ITGA9: variants seen among roughly 807,000 people sequenced by gnomAD.
The protein encoded by ITGA9 is integrin subunit alpha 9.
In ITGA9, 56 loss-of-function variants were observed where a neutral mutation model predicts 127.8. That is an observed-to-expected ratio of 0.44 (90% CI 0.35 to 0.55). The LOEUF is 0.55. ITGA9 is among the 20% of genes least tolerant of loss of function. The probability of loss-of-function intolerance (pLI) is 0.00; values close to 1 mark genes in which losing one functional copy is unlikely to be tolerated. For missense variants in ITGA9, 1,196 were observed against 1,347.1 expected, an observed-to-expected ratio of 0.89 and a Z score of 1.76; for synonymous variants, 508 against 514.5, an observed-to-expected ratio of 0.99 and a Z score of 0.17.
At chr3:37,473,260 CT>C in intron 2 of ITGA9, 93 bp from the exon 3 acceptor site, 1 of 866,564 alleles carries the variant, frequency 1.2e-6, no homozygotes, top group Non-Finnish European at 1.9e-6. Flanking sequence ...TGGAAAGTTC[CT>C]TATTTCCTCA....
intron 14 of ITGA9, among the ~76,000 whole-genome samples, chr3:37,538,885 A>G (rs1288335970): frequency 6.6e-6 from 1 of 152,266 alleles, no homozygotes. Context: ...CTAATTAGGC[A>G]GTTCTAGAGA....
chr3:37,775,520 C>T (rs1309494330), intron 23 of ITGA9, among the ~76,000 whole-genome samples: 1 of 151,990 alleles, frequency 6.6e-6, no homozygotes, highest in African/African-American at 2.4e-5. Flanking sequence ...GTGGCAGGTG[C>T]CTGTTGTCCC....
At chr3:37,778,767 T>G (rs1289412651) in intron 24 of ITGA9, among the ~76,000 whole-genome samples, 1 of 152,136 alleles carries the variant, frequency 6.6e-6, no homozygotes, top group Non-Finnish European at 1.5e-5. Flanking sequence ...GTTACATTTC[T>G]CTAAGCTCCT....
rs753065090 is a variant in ITGA9, at chr3:37,818,982, ACCAGTGAG to A, written c.3103_*2del. 6.2e-7 allele frequency: 1 copy of A among 1,608,428 alleles called. No homozygotes were observed. Among genetic ancestry groups the A allele is most frequent in the Non-Finnish European group, 8.5e-7 (1 of 1,175,020 alleles). ...GACAGTTGGGACTGGGTCCAGAAAA[ACCAGTGAG>A]CTGCCACACCAGTCACATGACCTGA... On this transcript the variant is annotated stop_lost and 3_prime_UTR_variant, in exon 28 of 28. Transcript: ENST00000264741.
intron 1 of ITGA9, among the ~76,000 whole-genome samples, chr3:37,463,175 G>A (rs1459554004): frequency 3.9e-5 from 6 of 152,198 alleles, no homozygotes; most frequent in Non-Finnish European, 5.9e-5. Flanking sequence ...ATTAGTGGGC[G>A]ATGGAATTAC....
In ITGA9 at chr3:37,820,459, AGAAC is replaced by A. The variant is rs1343960926; in HGVS notation, c.*1471_*1474del. ...AAGAAATGATGCAAAGGATCTGAGCAGAACACTGCCCCTCCCCACCCCCTGAATG... is the reference window on the plus strand; with the variant it reads ...AAGAAATGATGCAAAGGATCTGAGCAACTGCCCCTCCCCACCCCCTGAATG... On this transcript the variant is annotated 3_prime_UTR_variant, in exon 28 of 28. Transcript: ENST00000264741. 6.6e-6 allele frequency: 1 copy of A among 152,516 alleles called. No individual in the cohort carries two copies. The highest frequency in any genetic ancestry group is 1.5e-5 in the Non-Finnish European group (1 of 68,254). The allele number at this position is 152,516 out of a possible 1,614,324, so 9.4% of individuals were successfully genotyped here.
At chr3:37,580,029 A>T (rs1489631152) in intron 15 of ITGA9, among the ~76,000 whole-genome samples, 1 of 152,270 alleles carries the variant, frequency 6.6e-6, no homozygotes, top group African/African-American at 2.4e-5. Context: ...AAGTAATTCT[A>T]GGCATGAAAA....
At chr3:37,699,115 T>C (rs570041722) in intron 18 of ITGA9, among the ~76,000 whole-genome samples, 1 of 152,326 alleles carries the variant, frequency 6.6e-6, no homozygotes, top group South Asian at 2.1e-4. Context: ...CCTTTCAACA[T>C]TGGAGAGCCT....
chr3:37,756,834 C>T (rs1405009162), intron 23 of ITGA9, among the ~76,000 whole-genome samples: 2 of 152,106 alleles, frequency 1.3e-5, no homozygotes, highest in African/African-American at 4.8e-5. Flanking sequence ...ATGCAATAAA[C>T]TTGGAAGCTA....
chr3:37,558,958 C>T (rs1193863162), intron 15 of ITGA9, among the ~76,000 whole-genome samples: 3 of 152,202 alleles, frequency 2.0e-5, no homozygotes, highest in African/African-American at 7.2e-5. Flanking sequence ...CACATCTGAG[C>T]TGTCTTAGCA....
chr3:37,496,129 G>A (rs1362409348), intron 5 of ITGA9, among the ~76,000 whole-genome samples: 1 of 152,154 alleles, frequency 6.6e-6, no homozygotes, highest in Admixed American at 6.5e-5. Context: ...TTCAGAAACT[G>A]CTGTTTAAAT....
At chr3:37,711,981 G>A (rs1701084384) in intron 18 of ITGA9, among the ~76,000 whole-genome samples, 1 of 152,228 alleles carries the variant, frequency 6.6e-6, no homozygotes, top group African/African-American at 2.4e-5. Context: ...GTTGGGGCCT[G>A]AGGAAGTTAG....
chr3:37,743,845 ATGTTTGC>A (rs1559585247), intron 21 of ITGA9, 74 bp from the exon 22 acceptor site: 1 of 958,882 alleles, frequency 1.0e-6, no homozygotes, highest in Non-Finnish European at 1.7e-6. Flanking sequence ...ATTGAGACAA[ATGTTTGC>A]TTCTCAGAAT....
rs138166389 is a variant in ITGA9, at chr3:37,696,509, C to T, written c.2067+12494C>T. Reference sequence around the variant, plus strand: ...TCAACAGAGGTGCCACAGCTCCATACTAGGTCAATCCATGCAATAAAGACC... The same window carrying T: ...TCAACAGAGGTGCCACAGCTCCATATTAGGTCAATCCATGCAATAAAGACC... On this transcript the variant is annotated intron_variant, in intron 18 of 27. Transcript: ENST00000264741. 4.7e-3 allele frequency among the ~76,000 whole-genome samples: 723 copies of T among 152,358 alleles called. 10 individuals are homozygous for T. The highest frequency in any genetic ancestry group is 0.03 in the South Asian group (145 of 4,826).
intron 26 of ITGA9, among the ~76,000 whole-genome samples, chr3:37,793,376 C>A (rs1390616060): frequency 6.8e-6 from 1 of 146,020 alleles, no homozygotes; most frequent in Admixed American, 7.0e-5. Flanking sequence ...ACTTCCACAG[C>A]CCCAAACAGG....
At chr3:37,595,848 C>T (rs1699865319) in intron 15 of ITGA9, among the ~76,000 whole-genome samples, 2 of 152,208 alleles carry the variant, frequency 1.3e-5, no homozygotes, top group South Asian at 2.1e-4. Context: ...GTGTGTTTGT[C>T]TCCCTCTGTG....
chr3:37,802,220 T>C (rs1022477478), intron 26 of ITGA9, among the ~76,000 whole-genome samples: 9 of 151,690 alleles, frequency 5.9e-5, no homozygotes, highest in African/African-American at 1.9e-4. Flanking sequence ...AGACAAGAGA[T>C]TGCAAAAAAA....
intron 15 of ITGA9, among the ~76,000 whole-genome samples, chr3:37,608,440 AAAAC>A (rs144956116): frequency 0.49 from 74,952 of 151,562 alleles, 19,431 homozygotes; most frequent in East Asian, 0.6. Flanking sequence ...TAAGATTTAC[AAAAC>A]AAACAAACAA....
intron 19 of ITGA9, among the ~76,000 whole-genome samples, chr3:37,735,863 C>G (rs1302486069): frequency 6.6e-6 from 1 of 152,138 alleles, no homozygotes; most frequent in Non-Finnish European, 1.5e-5. Context: ...TAACAGTGAC[C>G]CTTTTCACCT....
Sources: gnomAD v4.1 joint callset for allele counts (sites outside exome capture counted in the v4.1 genomes callset) on GRCh38, gnomAD v4.1.1 for gene constraint, MANE v1.5 for transcripts, NCBI Gene and HGNC (gene_info 2026-07-23, HGNC 2026-07-21) for gene names.